The following YBX2 variants were observed in gnomAD, a reference collection of about 807,000 sequenced individuals.
YBX2 encodes the protein Y-box-binding protein 2.
In YBX2, 5 loss-of-function variants were observed where a neutral mutation model predicts 44.4. That is an observed-to-expected ratio of 0.11 (90% CI 0.06 to 0.24). YBX2 has a LOEUF of 0.24. Among genes scored for constraint, YBX2 ranks in the 10% least tolerant of loss-of-function variants. The pLI is 1.00. For missense variants in YBX2, 417 were observed against 526.9 expected, an observed-to-expected ratio of 0.79 and a Z score of 2.04; for synonymous variants, 188 against 216.1, an observed-to-expected ratio of 0.87 and a Z score of 1.14.
intron 7 of YBX2, among the ~76,000 whole-genome samples, chr17:7,289,277 A>T (rs1380214098): frequency 1.6e-5 from 2 of 128,864 alleles, no homozygotes; most frequent in Non-Finnish European, 3.4e-5. Context: ...GGCTCCAGGC[A>T]GCAAGTGGGG....
Position 7,291,025 on chromosome 17 carries a change from C to T in YBX2, c.459+68G>A. 6.6e-7 allele frequency: 1 copy of T among 1,518,976 alleles called. No individual in the cohort carries two copies. The highest frequency in any genetic ancestry group is 2.3e-5 in the East Asian group (1 of 44,416). 94.1% of individuals were successfully genotyped at this position (1,518,976 alleles called of 1,614,324 possible). On this transcript the variant is annotated intron_variant, in intron 4 of 8. Transcript: ENST00000007699. This position sits in a 1 kb window ranked among gnomAD's most constrained non-coding sequence, Gnocchi z 5.8. ...GAGCTGGCCCCAGGAGGGTCTTAGC[C>T]TGTGATGACCTCCAGGCCACCCTCC...
At position 7,290,312 on chromosome 17, in the gene YBX2, A is replaced by G; in HGVS notation, c.683T>C (p.Phe228Ser). ...TCGCACAAACCGCCGTCGGTAGAAG[A>G]AGGGTGGGGGGCACCATCGTCGGGG... ...QRPRRWCPPP[F>S]FYRRRFVRGP... Residue 228 changes from phenylalanine to serine, a missense_variant, in exon 5 of 9, where the codon TTC becomes TCC. By Grantham distance (155) the Phe-to-Ser change is radical. Around this residue, in one of 3 missense-constraint regions of YBX2, gnomAD observed 257 missense variants for 261.7 expected, o/e 0.98. Transcript: ENST00000007699. The G allele has an allele frequency of 1.9e-6, 3 of 1,613,580 alleles. No individual in the cohort carries two copies. The highest frequency in any genetic ancestry group is 2.5e-6 in the Non-Finnish European group (3 of 1,179,878).
chr17:7,293,757 G>C (rs1005682725), intron 1 of YBX2: 13 of 888,762 alleles, frequency 1.5e-5, no homozygotes, highest in Non-Finnish European at 2.2e-5. Flanking sequence ...CTTTCAAAAA[G>C]CCTTCCAACT....
At position 7,289,561 on chromosome 17, in the gene YBX2, G is replaced by A; in HGVS notation, c.1013C>T (p.Ala338Val). ...RRQQAPGPQQ[A>V]PGPRQPAAPE... ...GGCTGCGGGCTGCCGGGGGCCAGGG[G>A]CCTGCTGGGGGCCAGGGGCCTGCTG... The change falls in exon 7 of 9, where the codon GCC (alanine) becomes GTC (valine). Residue 338 changes from alanine (A) to valine (V), a missense_variant. Transcript: ENST00000007699. The A allele has an allele frequency of 1.2e-6, 2 of 1,605,756 alleles. No homozygotes were observed. Among genetic ancestry groups the A allele is most frequent in the Non-Finnish European group, 1.7e-6 (2 of 1,177,344 alleles).
chr17:7,294,483 C>T lies in YBX2; in HGVS notation c.18G>A (p.Ala6=). The T allele has an allele frequency of 6.8e-7, 1 of 1,471,916 alleles. No individual in the cohort carries two copies. The highest frequency in any genetic ancestry group is 9.0e-7 in the Non-Finnish European group (1 of 1,114,056). 91.2% of individuals were successfully genotyped at this position (1,471,916 alleles called of 1,614,324 possible). A position where few individuals can be genotyped will look rare whatever the true frequency, so the allele number is the denominator to read the frequency against. The part of the protein sequence containing the change: MSEVE[A]AAGATAVPAA... Reference sequence around the variant, plus strand: ...CGGGGACCGCTGTAGCCCCCGCTGCCGCCTCCACCTCGCTCATCCCGCCGG... The same window carrying T: ...CGGGGACCGCTGTAGCCCCCGCTGCTGCCTCCACCTCGCTCATCCCGCCGG... Residue 6 remains alanine (A), a synonymous_variant, in exon 1 of 9, where the codon GCG becomes GCA. Coordinates refer to ENST00000007699, the MANE Select transcript of YBX2 (RefSeq NM_015982.4). This position sits in a 1 kb window ranked among gnomAD's most constrained non-coding sequence, Gnocchi z 4.6.
At chr17:7,293,079 T>G in intron 2 of YBX2, 1 of 289,314 alleles carries the variant, frequency 3.5e-6, no homozygotes, top group South Asian at 3.4e-5. Flanking sequence ...TTTAAGGGAG[T>G]TGAGTTGTGA....
At position 7,293,465 on chromosome 17, in the gene YBX2, C is replaced by G. The variant is rs2072516373; in HGVS notation, c.335+10G>C. On this transcript the variant is annotated intron_variant, in intron 2 of 8. Transcript: ENST00000007699. ...ACCCATTCCACCCCCGCCCTGGGTT[C>G]CTTGGATACCTGTTGATGAATCCGT... 1.2e-6 allele frequency: 2 copies of G among 1,613,980 alleles called. No individual in the cohort carries two copies. The highest frequency in any genetic ancestry group is 1.7e-6 in the Non-Finnish European group (2 of 1,180,002).
chr17:7,289,767 C>A, intron 6 of YBX2, 42 bp from the exon 7 acceptor site: 1 of 1,611,190 alleles, frequency 6.2e-7, no homozygotes, highest in Non-Finnish European at 8.5e-7. Flanking sequence ...AGGGAATACT[C>A]CCTCCCCAGG....
intron 4 of YBX2, 109 bp downstream of exon 4, chr17:7,290,984 C>T: frequency 9.3e-7 from 1 of 1,075,198 alleles, no homozygotes; most frequent in Non-Finnish European, 1.4e-6. Flanking sequence ...CAGTCCCATT[C>T]CCGCAGAACG....
rs554090118 is a variant in YBX2 at position 7,289,153 on chromosome 17, C to T, written c.1045-315G>A. ...CTGGGATTACAGGCATGAGACATCG[C>T]GCAGGGCTGAGACTTGTTCTTCAGG... On this transcript the variant is annotated intron_variant, in intron 7 of 8. Transcript: ENST00000007699. Among the ~76,000 whole-genome samples the T allele has an allele frequency of 3.3e-5, 5 of 152,268 alleles. No homozygotes were observed. In the East Asian group the frequency reaches 7.7e-4, roughly 24 times the overall value.
Position 7,294,453 on chromosome 17 carries a change from CGCCGCGGGGACCGCTGTA to C in YBX2, c.30_47del (p.Ala12_Thr17del). 6.8e-7 allele frequency: 1 copy of C among 1,475,682 alleles called. No individual in the cohort carries two copies. Among genetic ancestry groups the C allele is most frequent in the South Asian group, 1.3e-5 (1 of 79,736 alleles). 91.4% of individuals were successfully genotyped at this position (1,475,682 alleles called of 1,614,324 possible). A position where few individuals can be genotyped will look rare whatever the true frequency, so the allele number is the denominator to read the frequency against. Reference sequence around the variant, plus strand: ...CCCCTGCCGCCGTCGCGGGCACCGTCGCCGCGGGGACCGCTGTAGCCCCCGCTGCCGCCTCCACCTCGC... The same window carrying C: ...CCCCTGCCGCCGTCGCGGGCACCGTCGCCCCCGCTGCCGCCTCCACCTCGC... On this transcript the variant is annotated inframe_deletion, in exon 1 of 9. Coordinates refer to ENST00000007699, the MANE Select transcript of YBX2 (RefSeq NM_015982.4). This position sits in a 1 kb window ranked among gnomAD's most constrained non-coding sequence, Gnocchi z 4.6.
Position 7,294,319 on chromosome 17 carries a change from G to A in YBX2, c.182C>T (p.Pro61Leu), listed in dbSNP as rs1323629955. ...SGPAAGTPSA[P>L]GSRTPGNPAT... ...CGGATTGCCAGGGGTGCGGGAGCCCGGCGCCGAGGGGGTCCCAGCAGCGGG... is the reference window on the plus strand; with the variant it reads ...CGGATTGCCAGGGGTGCGGGAGCCCAGCGCCGAGGGGGTCCCAGCAGCGGG... Residue 61 changes from proline to leucine, a missense_variant, in exon 1 of 9, where the codon CCG (proline) becomes CTG (leucine). Physicochemically the swap from Pro to Leu is moderately conservative, Grantham distance 98 (BLOSUM62 -3). Around this residue, in one of 3 missense-constraint regions of YBX2, gnomAD observed 121 missense variants for 141.3 expected, o/e 0.86. Coordinates refer to ENST00000007699, the MANE Select transcript of YBX2 (RefSeq NM_015982.4). The surrounding 1 kb of genome is among the most constrained non-coding windows in gnomAD (Gnocchi z 4.6). 1.6e-6 allele frequency: 2 copies of A among 1,281,334 alleles called. No homozygotes were observed. Among genetic ancestry groups the A allele is most frequent in the Non-Finnish European group, 2.0e-6 (2 of 1,020,284 alleles). 79.4% of individuals were successfully genotyped at this position (1,281,334 alleles called of 1,614,324 possible).
In YBX2 at chr17:7,291,855, T is replaced by G; in HGVS notation, c.369+171A>C. On this transcript the variant is annotated intron_variant, in intron 3 of 8. Coordinates refer to ENST00000007699, the MANE Select transcript of YBX2 (RefSeq NM_015982.4). The surrounding 1 kb of genome is among the most constrained non-coding windows in gnomAD (Gnocchi z 5.8). ...TAACATGCTCAATTCTGACGGACGT[T>G]TAGTAACCCAGCACAAGTGCGGCTA... 1.3e-6 allele frequency: 1 copy of G among 792,700 alleles called. No homozygotes were observed. The allele number at this position is 792,700 out of a possible 1,614,324, so 49.1% of individuals were successfully genotyped here.
At chr17:7,292,636 C>G (rs1166844145) in intron 2 of YBX2, 1 of 154,742 alleles carries the variant, frequency 6.5e-6, no homozygotes, top group African/African-American at 2.4e-5. Flanking sequence ...CGCGTGGGAC[C>G]AAGGGTGAGA....
At position 7,293,545 on chromosome 17, in the gene YBX2, G is replaced by A; in HGVS notation, c.272-7C>T. 1 of 1,614,146 alleles carries A rather than the reference G, an allele frequency of 6.2e-7. No homozygotes were observed. The highest frequency in any genetic ancestry group is 2.2e-5 in the East Asian group (1 of 44,882). On this transcript the variant is annotated splice_polypyrimidine_tract_variant and splice_region_variant and intron_variant, in intron 1 of 8. Transcript: ENST00000007699. ...GTGCCCAGGACTTGGATTGCTGCCA[G>A]GCAGAGATGCAGTGGGGACAGTGAG...
intron 7 of YBX2, among the ~76,000 whole-genome samples, chr17:7,289,275 G>A (rs1192500063): frequency 7.1e-6 from 1 of 140,098 alleles, no homozygotes; most frequent in African/African-American, 2.5e-5. Context: ...ATGGCTCCAG[G>A]CAGCAAGTGG....
chr17:7,291,198 G>C lies in YBX2; in HGVS notation c.370-16C>G. ...TAATAGCTGTCTGATTGGGGAAAAG[G>C]CCATGTGAAAAGTGAGACAGCAAGA... is the stretch of plus-strand genomic sequence containing the variant. On this transcript the variant is annotated splice_polypyrimidine_tract_variant and intron_variant, in intron 3 of 8. Coordinates refer to ENST00000007699, the MANE Select transcript of YBX2 (RefSeq NM_015982.4). This position sits in a 1 kb window ranked among gnomAD's most constrained non-coding sequence, Gnocchi z 5.8. 1 of 1,613,622 alleles carries C rather than the reference G, an allele frequency of 6.2e-7. No homozygotes were observed. The highest frequency in any genetic ancestry group is 8.5e-7 in the Non-Finnish European group (1 of 1,179,596).
intron 7 of YBX2, 86 bp from the exon 8 acceptor site, chr17:7,288,924 G>A (rs2072475639): frequency 1.5e-5 from 23 of 1,547,038 alleles, no homozygotes; most frequent in Non-Finnish European, 1.9e-5. Context: ...GTACAGTGGC[G>A]TGATCTTGGC....
In YBX2 at chr17:7,294,333, C is replaced by G; in HGVS notation, c.168G>C (p.Gly56=). 1 of 1,309,496 alleles carries G rather than the reference C, an allele frequency of 7.6e-7. No individual in the cohort carries two copies. Among genetic ancestry groups the G allele is most frequent in the Non-Finnish European group, 9.7e-7 (1 of 1,035,954 alleles). 81.1% of individuals were successfully genotyped at this position (1,309,496 alleles called of 1,614,324 possible). The part of the protein sequence containing the change: ...GGGAASGPAA[G]TPSAPGSRTP... Reference sequence around the variant, plus strand: ...TGCGGGAGCCCGGCGCCGAGGGGGTCCCAGCAGCGGGGCCCGAGGCGGCTC... The same window carrying G: ...TGCGGGAGCCCGGCGCCGAGGGGGTGCCAGCAGCGGGGCCCGAGGCGGCTC... Residue 56 remains glycine (G), a synonymous_variant, in exon 1 of 9, where the codon GGG becomes GGC. Coordinates refer to ENST00000007699, the MANE Select transcript of YBX2 (RefSeq NM_015982.4). This position sits in a 1 kb window ranked among gnomAD's most constrained non-coding sequence, Gnocchi z 4.6.
Sources: allele counts gnomAD v4.1 joint callset (sites outside exome capture counted in the v4.1 genomes callset), GRCh38; gene constraint gnomAD v4.1.1; regional missense constraint gnomAD v4.1.1; non-coding constraint Gnocchi (gnomAD v3.1); transcripts MANE v1.5; gene names NCBI Gene and HGNC (gene_info 2026-07-23, HGNC 2026-07-21).